Variants in MYO1D observed in about 807,000 individuals in gnomAD.
MYO1D encodes unconventional myosin-Id.
In MYO1D, 83 loss-of-function variants were observed where a neutral mutation model predicts 122.0. That is an observed-to-expected ratio of 0.68 (90% CI 0.57 to 0.82). The LOEUF (loss-of-function observed/expected upper bound fraction) is 0.82, where lower values mean the gene tolerates loss of function less well. MYO1D is among the 40% of genes least tolerant of loss of function. The pLI is 0.00. For synonymous variants in MYO1D, 464 were observed against 446.9 expected (o/e 1.04, Z -0.48); for missense variants, 1,157 against 1,269.5 (o/e 0.91, Z 1.35).
intron 16 of MYO1D, among the ~76,000 whole-genome samples, chr17:32,680,799 T>C (rs1027591759): frequency 2.6e-5 from 4 of 152,220 alleles, no homozygotes; most frequent in African/African-American, 4.8e-5. Flanking sequence ...TCTTTTTCTA[T>C]TGATTGGAAT....
intron 21 of MYO1D, among the ~76,000 whole-genome samples, chr17:32,566,318 C>T (rs535164665): frequency 8.7e-4 from 133 of 152,234 alleles, no homozygotes; most frequent in Middle Eastern, 6.8e-3. Flanking sequence ...GAAAAGGCTT[C>T]CTTGGGAAAG....
rs59432486 is a variant in MYO1D, at chr17:32,737,362, C to CT, written c.1746+890dup. 7.4e-3 allele frequency among the ~76,000 whole-genome samples: 1,045 copies of CT among 142,136 alleles called. 7 individuals are homozygous for CT. Among genetic ancestry groups the CT allele is most frequent in the Middle Eastern group, 0.018 (5 of 276 alleles). 93.2% of individuals were successfully genotyped at this position (142,136 alleles called of 152,430 possible). ...ACACAAATAATTGTCAATAATACAA[C>CT]TTTTTTTTTTTTTTTTGAGACAAGG... is the stretch of plus-strand genomic sequence containing the variant. On this transcript the variant is annotated intron_variant, in intron 14 of 21. Transcript: ENST00000318217.
intron 16 of MYO1D, among the ~76,000 whole-genome samples, chr17:32,698,708 T>C (rs1459853619): frequency 6.6e-6 from 1 of 152,262 alleles, no homozygotes; most frequent in Non-Finnish European, 1.5e-5. Flanking sequence ...AGTCTACTTA[T>C]AATTAACAGT....
chr17:32,715,662 ATATTT>A (rs1335972148), intron 15 of MYO1D, among the ~76,000 whole-genome samples: 2 of 152,106 alleles, frequency 1.3e-5, no homozygotes, highest in Non-Finnish European at 2.9e-5. Context: ...AAAAATATGT[ATATTT>A]TATAAGTATA....
intron 21 of MYO1D, among the ~76,000 whole-genome samples, chr17:32,585,104 C>T (rs1444275983): frequency 2.0e-5 from 3 of 152,146 alleles, no homozygotes; most frequent in East Asian, 1.9e-4. Context: ...TTTCATTTGT[C>T]TTGGTTAGCA....
chr17:32,549,398 T>C (rs1346172055), intron 21 of MYO1D, among the ~76,000 whole-genome samples: 1 of 152,216 alleles, frequency 6.6e-6, no homozygotes, highest in Non-Finnish European at 1.5e-5. Context: ...ACCCTCCCTC[T>C]TAATCGTTTG....
chr17:32,598,457 G>A (rs1375907566), intron 21 of MYO1D, among the ~76,000 whole-genome samples: 1 of 152,212 alleles, frequency 6.6e-6, no homozygotes. Flanking sequence ...CCCCATGGTG[G>A]AATTTTTGAT....
intron 16 of MYO1D, among the ~76,000 whole-genome samples, chr17:32,683,276 G>A (rs2088949967): frequency 6.6e-6 from 1 of 152,056 alleles, no homozygotes. Context: ...ATCCAGCTTT[G>A]TTCCGTTGCT....
intron 1 of MYO1D, among the ~76,000 whole-genome samples, chr17:32,839,354 T>C (rs1235866225): frequency 6.6e-6 from 1 of 152,218 alleles, no homozygotes; most frequent in Non-Finnish European, 1.5e-5. Context: ...CAAAGCAAGC[T>C]GGAGCCTTAT....
At chr17:32,774,102 C>G (rs1261195700) in intron 4 of MYO1D, among the ~76,000 whole-genome samples, 2 of 152,152 alleles carry the variant, frequency 1.3e-5, no homozygotes, top group Non-Finnish European at 2.9e-5. Flanking sequence ...TCCTCACACC[C>G]GATCTGGCTT....
chr17:32,818,125 CAAAAAA>C (rs58466009), intron 1 of MYO1D, among the ~76,000 whole-genome samples: 8 of 46,018 alleles, frequency 1.7e-4, no homozygotes, highest in African/African-American at 2.7e-4. Context: ...GACTCCGTCT[CAAAAAA>C]AAAAAAAAAA....
intron 1 of MYO1D, among the ~76,000 whole-genome samples, chr17:32,787,303 A>C (rs774664966): frequency 6.6e-6 from 1 of 152,158 alleles, no homozygotes; most frequent in Non-Finnish European, 1.5e-5. Context: ...TTTTTACCTC[A>C]ATAGTTTTTG....
chr17:32,533,043 G>A (rs561801529), intron 21 of MYO1D, among the ~76,000 whole-genome samples: 331 of 152,204 alleles, frequency 2.2e-3, no homozygotes, highest in Non-Finnish European at 2.8e-3. Context: ...AAGGCACAGC[G>A]TGTTCTGGTC....
intron 1 of MYO1D, among the ~76,000 whole-genome samples, chr17:32,819,992 T>C (rs1409412089): frequency 2.6e-5 from 4 of 152,148 alleles, no homozygotes; most frequent in African/African-American, 9.7e-5. Flanking sequence ...AGCCCACAGG[T>C]TGGTCATCTT....
intron 1 of MYO1D, among the ~76,000 whole-genome samples, chr17:32,852,699 T>C (rs2090999485): frequency 6.6e-6 from 1 of 152,156 alleles, no homozygotes; most frequent in South Asian, 2.1e-4. Flanking sequence ...GAATTATGGG[T>C]GAATATTATT....
At chr17:32,606,900 C>A (rs2087634686) in intron 20 of MYO1D, among the ~76,000 whole-genome samples, 1 of 152,208 alleles carries the variant, frequency 6.6e-6, no homozygotes, top group South Asian at 2.1e-4. Context: ...TGGCTCACGC[C>A]TGTAATCCCA....
intron 21 of MYO1D, among the ~76,000 whole-genome samples, chr17:32,566,394 T>C (rs1447159318): frequency 1.3e-5 from 2 of 152,092 alleles, no homozygotes; most frequent in Non-Finnish European, 2.9e-5. Flanking sequence ...ACAGCATTCC[T>C]GGCACAGGGC....
intron 21 of MYO1D, among the ~76,000 whole-genome samples, chr17:32,604,705 T>A (rs1345326733): frequency 2.0e-5 from 3 of 152,248 alleles, no homozygotes; most frequent in Non-Finnish European, 4.4e-5. Context: ...AAATCTGCCT[T>A]CTAATTTGCT....
intron 19 of MYO1D, among the ~76,000 whole-genome samples, chr17:32,650,861 C>T (rs943630171): frequency 6.6e-6 from 1 of 152,152 alleles, no homozygotes. Flanking sequence ...ATTCTATCAT[C>T]TATATCAGTT....
Sources: gnomAD v4.1 joint callset for allele counts (sites outside exome capture counted in the v4.1 genomes callset) on GRCh38, gnomAD v4.1.1 for gene constraint, MANE v1.5 for transcripts, NCBI Gene and HGNC (gene_info 2026-07-23, HGNC 2026-07-21) for gene names.